KDM4C: variants seen among roughly 807,000 people sequenced by gnomAD.
The protein encoded by KDM4C is lysine-specific demethylase 4C.
Under a neutral mutation model 129.3 loss-of-function variants are expected in KDM4C, and 81 were observed. The observed-to-expected ratio is 0.63, with a 90% CI of 0.52 to 0.75. The LOEUF (loss-of-function observed/expected upper bound fraction) is 0.75, where lower values mean the gene tolerates loss of function less well. KDM4C is among the 30% of genes least tolerant of loss of function. The pLI, the probability that KDM4C is intolerant of heterozygous loss-of-function variation, is 0.00. For missense variants in KDM4C, 1,457 were observed against 1,304.0 expected, an observed-to-expected ratio of 1.12 and a Z score of -1.81; for synonymous variants, 573 against 456.1, an observed-to-expected ratio of 1.26 and a Z score of -3.26.
At chr9:7,164,113 C>G (rs563581264) in intron 19 of KDM4C, among the ~76,000 whole-genome samples, 2 of 152,178 alleles carry the variant, frequency 1.3e-5, no homozygotes, top group Non-Finnish European at 2.9e-5. Context: ...GCATTTATAG[C>G]TTGATTGGTC....
chr9:7,159,912 A>G (rs909874880), intron 19 of KDM4C, among the ~76,000 whole-genome samples: 6 of 152,182 alleles, frequency 3.9e-5, no homozygotes, highest in Non-Finnish European at 5.9e-5. Flanking sequence ...CCTGGATACT[A>G]TCCTGACGAG....
intron 8 of KDM4C, among the ~76,000 whole-genome samples, chr9:6,899,904 G>C (rs1313203553): frequency 1.3e-5 from 2 of 152,154 alleles, no homozygotes; most frequent in African/African-American, 4.8e-5. Context: ...CTGAAATCAA[G>C]GCATTATCTG....
chr9:6,868,211 C>A (rs146755176), intron 5 of KDM4C, among the ~76,000 whole-genome samples: 61 of 151,886 alleles, frequency 4.0e-4, no homozygotes, highest in African/African-American at 1.4e-3. Flanking sequence ...TTTGCCTCTC[C>A]CTTACGCCAC....
chr9:6,742,302 T>C (rs1817729042), intron 1 of KDM4C, among the ~76,000 whole-genome samples: 1 of 152,122 alleles, frequency 6.6e-6, no homozygotes, highest in South Asian at 2.1e-4. Flanking sequence ...GGGCAATACA[T>C]TATCTTTCCC....
At chr9:6,836,644 C>T (rs1237912478) in intron 4 of KDM4C, among the ~76,000 whole-genome samples, 1 of 152,108 alleles carries the variant, frequency 6.6e-6, no homozygotes, top group Admixed American at 6.5e-5. Context: ...CGTATTTTAA[C>T]ACAATATGTT....
intron 2 of KDM4C, among the ~76,000 whole-genome samples, chr9:6,797,764 T>C (rs913610534): frequency 6.6e-6 from 1 of 152,244 alleles, no homozygotes; most frequent in Non-Finnish European, 1.5e-5. Context: ...TCCTCCTTGC[T>C]CACTAGGTAG....
At chr9:7,140,944 G>A (rs969802438) in intron 19 of KDM4C, among the ~76,000 whole-genome samples, 4 of 152,210 alleles carry the variant, frequency 2.6e-5, no homozygotes, top group African/African-American at 9.7e-5. Context: ...TGTAAGGTGA[G>A]TTCACTAAAC....
intron 8 of KDM4C, chr9:6,925,739 G>C: frequency 1.6e-6 from 1 of 615,386 alleles, no homozygotes; most frequent in Non-Finnish European, 2.0e-6. Context: ...GCTGACATGT[G>C]AGTTACATAA....
intron 8 of KDM4C, among the ~76,000 whole-genome samples, chr9:6,979,294 C>T (rs1816343559): frequency 6.6e-6 from 1 of 152,064 alleles, no homozygotes; most frequent in South Asian, 2.1e-4. Context: ...TAATAGAAAG[C>T]AGTGGTGCAG....
At chr9:6,761,432 G>A (rs1819475449) in intron 1 of KDM4C, among the ~76,000 whole-genome samples, 1 of 151,400 alleles carries the variant, frequency 6.6e-6, no homozygotes, top group South Asian at 2.1e-4. Flanking sequence ...TGTCTGCTGT[G>A]CTCTGGCAGT....
At chr9:6,812,862 A>G (rs1028417230) in intron 3 of KDM4C, among the ~76,000 whole-genome samples, 1 of 152,198 alleles carries the variant, frequency 6.6e-6, no homozygotes, top group Non-Finnish European at 1.5e-5. Context: ...TAGTGCTTTC[A>G]TGCTAATCCT....
intron 17 of KDM4C, among the ~76,000 whole-genome samples, chr9:7,096,418 A>G (rs1836443923): frequency 6.6e-6 from 1 of 152,246 alleles, no homozygotes; most frequent in Admixed American, 6.5e-5. Context: ...GGAAGCATCC[A>G]GAGGCTGGCT....
Position 6,801,618 on chromosome 9 carries a change from GCTCTCTCTCT to G in KDM4C, c.145-3968_145-3959del, listed in dbSNP as rs147393202. Among the ~76,000 whole-genome samples the G allele has an allele frequency of 2.1e-5, 3 of 145,598 alleles. No homozygotes were observed. The East Asian group carries it at 6.1e-4, about 30-fold the overall frequency. ...TATTTACATGCTCTTGTGCAGATATGCTCTCTCTCTCTCTCTCTCTCTGTCTCTCTCTCTC... is the reference window on the plus strand; with the variant it reads ...TATTTACATGCTCTTGTGCAGATATGCTCTCTCTCTCTGTCTCTCTCTCTC... On this transcript the variant is annotated intron_variant, in intron 2 of 21. Coordinates refer to ENST00000381309, the MANE Select transcript of KDM4C (RefSeq NM_015061.6).
intron 17 of KDM4C, chr9:7,077,338 C>T: frequency 2.0e-6 from 1 of 510,472 alleles, no homozygotes; most frequent in Non-Finnish European, 2.5e-6. Flanking sequence ...CTATGCCCCT[C>T]CCCTCAACTA....
At chr9:6,780,057 A>G (rs1270656424) in intron 1 of KDM4C, among the ~76,000 whole-genome samples, 5 of 152,118 alleles carry the variant, frequency 3.3e-5, no homozygotes, top group Admixed American at 2.6e-4. Context: ...TCTTAACCAG[A>G]TAAGGGATAC....
intron 17 of KDM4C, among the ~76,000 whole-genome samples, chr9:7,099,205 A>G (rs4742309): frequency 0.82 from 124,855 of 152,186 alleles, 51,505 homozygotes; most frequent in African/African-American, 0.91. Context: ...GAAGAAAAAA[A>G]CATCATAAAA....
intron 1 of KDM4C, among the ~76,000 whole-genome samples, chr9:6,777,038 C>G (rs1315110384): frequency 6.6e-6 from 1 of 152,154 alleles, no homozygotes; most frequent in African/African-American, 2.4e-5. Flanking sequence ...GTCAACTTTT[C>G]CAGGATTCCT....
chr9:6,805,417 A>C (rs1297684886), intron 2 of KDM4C, among the ~76,000 whole-genome samples, 182 bp from the exon 3 acceptor site: 1 of 152,062 alleles, frequency 6.6e-6, no homozygotes, highest in Non-Finnish European at 1.5e-5. Flanking sequence ...GTACTCAATA[A>C]ATTTTGCTAT....
At chr9:6,896,142 T>C (rs1816393599) in intron 8 of KDM4C, among the ~76,000 whole-genome samples, 1 of 152,210 alleles carries the variant, frequency 6.6e-6, no homozygotes, top group Admixed American at 6.5e-5. Flanking sequence ...GTGTAGTGAA[T>C]TGCACTAAAA....
Sources: gnomAD v4.1 joint callset for allele counts (sites outside exome capture counted in the v4.1 genomes callset) on GRCh38, gnomAD v4.1.1 for gene constraint, MANE v1.5 for transcripts, NCBI Gene and HGNC (gene_info 2026-07-23, HGNC 2026-07-21) for gene names.